PBX1: variants seen among roughly 807,000 people sequenced by gnomAD.
PBX1 encodes pre-B-cell leukemia transcription factor 1.
In PBX1, 6 loss-of-function variants were observed where a neutral mutation model predicts 53.4. The ratio of observed to expected loss-of-function variants is 0.11; its 90% CI spans 0.06 to 0.22. The LOEUF (loss-of-function observed/expected upper bound fraction) is 0.22, where lower values mean the gene tolerates loss of function less well. PBX1 is among the 10% of genes least tolerant of loss of function. PBX1 has a pLI of 1.00. For missense variants in PBX1, 251 were observed against 551.4 expected (o/e 0.46, Z 5.46); for synonymous variants, 204 against 212.3 (o/e 0.96, Z 0.34).
chr1:164,832,411 TTTA>T (rs1335675659), intron 8 of PBX1, among the ~76,000 whole-genome samples: 1 of 152,180 alleles, frequency 6.6e-6, no homozygotes, highest in Non-Finnish European at 1.5e-5. Flanking sequence ...ACCCTACACC[TTTA>T]TTGTGTCATA....
At chr1:164,573,230 T>A (rs1403043607) in intron 2 of PBX1, among the ~76,000 whole-genome samples, 1 of 152,214 alleles carries the variant, frequency 6.6e-6, no homozygotes, top group Non-Finnish European at 1.5e-5. Flanking sequence ...ATATTTTGCA[T>A]TCTTTTTTTG....
chr1:164,702,316 C>A (rs1315302243), intron 2 of PBX1, among the ~76,000 whole-genome samples: 1 of 152,020 alleles, frequency 6.6e-6, no homozygotes, highest in East Asian at 1.9e-4. Context: ...AAGAGGATAC[C>A]CTGAGCTCAC....
intron 2 of PBX1, among the ~76,000 whole-genome samples, chr1:164,634,762 A>G (rs1484720928): frequency 6.6e-6 from 1 of 152,178 alleles, no homozygotes; most frequent in Non-Finnish European, 1.5e-5. Context: ...GTTGTAGGGA[A>G]ATAAGTTCTT....
At position 164,793,085 on chromosome 1, in the gene PBX1, T is replaced by C. The variant is rs376245570; in HGVS notation, c.510+347T>C. On this transcript the variant is annotated intron_variant, in intron 3 of 8. Coordinates refer to ENST00000420696, the MANE Select transcript of PBX1 (RefSeq NM_002585.4). ...AGGCCTGGCTCTCATCCGGGCGCTA[T>C]AGGTGATCAGCAGAGTCACCAGCTA... 1.4e-4 allele frequency among the ~76,000 whole-genome samples: 21 copies of C among 152,306 alleles called. 1 individual carries two copies. Among genetic ancestry groups the C allele is most frequent in the Admixed American group, 1.2e-3 (19 of 15,298 alleles).
intron 2 of PBX1, among the ~76,000 whole-genome samples, chr1:164,707,650 C>T (rs1255174119): frequency 8.5e-5 from 13 of 152,058 alleles, no homozygotes; most frequent in African/African-American, 2.9e-4. Flanking sequence ...CAAGCCAAGA[C>T]ACCCTTTTTG....
At chr1:164,561,586 T>C (rs1322179748) in intron 1 of PBX1, among the ~76,000 whole-genome samples, 1 of 152,220 alleles carries the variant, frequency 6.6e-6, no homozygotes, top group Non-Finnish European at 1.5e-5. Flanking sequence ...AAGAATACTC[T>C]CAGACATACC....
At chr1:164,861,288 G>A (rs1037410366) in intron 2 of PBX1, among the ~76,000 whole-genome samples, 3 of 152,086 alleles carry the variant, frequency 2.0e-5, no homozygotes, top group Non-Finnish European at 4.4e-5. Flanking sequence ...CTTCCATGGC[G>A]TGCCCTTGTC....
chr1:164,679,106 A>G (rs894896841), intron 2 of PBX1, among the ~76,000 whole-genome samples: 7 of 152,164 alleles, frequency 4.6e-5, no homozygotes, highest in Non-Finnish European at 1.0e-4. Context: ...TTTCTTCCCA[A>G]TACTCATTCT....
chr1:164,826,640 A>C (rs2102378602), intron 8 of PBX1, among the ~76,000 whole-genome samples: 1 of 152,212 alleles, frequency 6.6e-6, no homozygotes, highest in African/African-American at 2.4e-5. Context: ...CCTGACCTCA[A>C]GTGATCCTCC....
chr1:164,728,521 C>T (rs923098776), intron 2 of PBX1, among the ~76,000 whole-genome samples: 2 of 152,090 alleles, frequency 1.3e-5, no homozygotes, highest in Admixed American at 1.3e-4. Flanking sequence ...TATTTATTAT[C>T]ATTATAACAT....
downstream of PBX1, among the ~76,000 whole-genome samples, chr1:164,855,447 A>C (rs983439324): frequency 5.3e-5 from 8 of 150,510 alleles, no homozygotes; most frequent in Admixed American, 2.6e-4. Context: ...AGTTAAATTA[A>C]TCCAACCTTG....
At chr1:164,643,288 G>T (rs1659255490) in intron 2 of PBX1, among the ~76,000 whole-genome samples, 1 of 152,136 alleles carries the variant, frequency 6.6e-6, no homozygotes, top group Non-Finnish European at 1.5e-5. Flanking sequence ...TCCAGATTTA[G>T]TATAGGAAAG....
At chr1:164,734,699 T>A (rs1338049615) in intron 2 of PBX1, among the ~76,000 whole-genome samples, 3 of 152,206 alleles carry the variant, frequency 2.0e-5, no homozygotes, top group Non-Finnish European at 4.4e-5. Context: ...GTAAAAATTA[T>A]TGTTTGATAT....
chr1:164,621,888 C>T (rs73018921), intron 2 of PBX1, among the ~76,000 whole-genome samples: 2 of 151,884 alleles, frequency 1.3e-5, no homozygotes, highest in Admixed American at 6.6e-5. Flanking sequence ...GAAGTTAGGA[C>T]CAGAAGAAAA....
intron 2 of PBX1, among the ~76,000 whole-genome samples, chr1:164,788,758 C>CA (rs997850027): frequency 7.2e-6 from 1 of 139,284 alleles, no homozygotes; most frequent in South Asian, 2.6e-4. Flanking sequence ...GCCCTCCCCC[C>CA]CCCGCCCTTT....
chr1:164,875,191 G>A lies in PBX1; in HGVS notation n.258-23997G>A, dbSNP rs183450759. Reference sequence around the variant, plus strand: ...GGACTGAAAATCAAAGTTTATCAGGGCGTTACATCTGTGAAGGAAAAAAGC... The same window carrying A: ...GGACTGAAAATCAAAGTTTATCAGGACGTTACATCTGTGAAGGAAAAAAGC... On this transcript the variant is annotated intron_variant and non_coding_transcript_variant, in intron 2 of 2. Coordinates refer to the PBX1 transcript ENST00000558796. 5.1e-4 allele frequency among the ~76,000 whole-genome samples: 78 copies of A among 152,300 alleles called. No individual in the cohort carries two copies. In the East Asian group the frequency reaches 0.015, roughly 29 times the overall value.
chr1:164,759,833 C>T (rs529978402), intron 2 of PBX1, among the ~76,000 whole-genome samples: 2 of 152,124 alleles, frequency 1.3e-5, no homozygotes, highest in Non-Finnish European at 2.9e-5. Flanking sequence ...AGGCCTGGCC[C>T]TTGGTTATGG....
intron 2 of PBX1, among the ~76,000 whole-genome samples, chr1:164,615,474 G>A (rs1382839842): frequency 6.6e-6 from 1 of 151,836 alleles, no homozygotes; most frequent in East Asian, 1.9e-4. Flanking sequence ...TATTTGTTCA[G>A]GTGTAATATT....
chr1:164,836,518 T>G (rs549451581), intron 8 of PBX1, among the ~76,000 whole-genome samples: 1 of 152,220 alleles, frequency 6.6e-6, no homozygotes, highest in Non-Finnish European at 1.5e-5. Flanking sequence ...ACATAGATTG[T>G]TTTCAAGCTC....
Sources: allele counts gnomAD v4.1 joint callset (sites outside exome capture counted in the v4.1 genomes callset), GRCh38; gene constraint gnomAD v4.1.1; transcripts MANE v1.5; gene names NCBI Gene and HGNC (gene_info 2026-07-23, HGNC 2026-07-21).